The following MRTFB variants were observed in gnomAD, a reference collection of about 807,000 sequenced individuals.
MRTFB encodes myocardin related transcription factor B.
In MRTFB, 29 loss-of-function variants were observed where a neutral mutation model predicts 104.2. The ratio of observed to expected loss-of-function variants is 0.28; its 90% CI spans 0.21 to 0.38. The LOEUF (loss-of-function observed/expected upper bound fraction) is 0.38, where lower values mean the gene tolerates loss of function less well. Ranked by LOEUF, MRTFB falls within the 10% of genes least tolerant of loss-of-function variation. The pLI is 1.00. For missense variants in MRTFB, 1,270 were observed against 1,341.6 expected, an observed-to-expected ratio of 0.95 and a Z score of 0.83; for synonymous variants, 535 against 519.5, an observed-to-expected ratio of 1.03 and a Z score of -0.41.
chr16:14,119,684 G>T (rs934556406), intron 2 of MRTFB, among the ~76,000 whole-genome samples: 1 of 152,010 alleles, frequency 6.6e-6, no homozygotes, highest in African/African-American at 2.4e-5. Flanking sequence ...AAAAAATCTG[G>T]TCTGTTTTAA....
the MRTFB span, among the ~76,000 whole-genome samples, chr16:14,029,445 T>TATACAC: frequency 2.0e-3 from 170 of 85,938 alleles, 1 homozygote; most frequent in Admixed American, 5.5e-3. Context: ...TATATATATA[T>TATACAC]ACACACACAC....
intron 3 of MRTFB, among the ~76,000 whole-genome samples, chr16:14,209,671 T>C (rs541405679): frequency 6.6e-6 from 1 of 152,330 alleles, no homozygotes; most frequent in Non-Finnish European, 1.5e-5. Context: ...TTTGTGACTT[T>C]CTTAGAACTT....
At chr16:14,068,487 G>A (rs867754429), upstream of MRTFB, among the ~76,000 whole-genome samples, 5 of 152,256 alleles carry the variant, frequency 3.3e-5, no homozygotes, top group African/African-American at 9.6e-5. Flanking sequence ...GGTCACGAAA[G>A]GCAAAGTTTG....
chr16:14,084,825 G>A (rs963841681), intron 2 of MRTFB, among the ~76,000 whole-genome samples: 7 of 152,124 alleles, frequency 4.6e-5, no homozygotes, highest in African/African-American at 1.7e-4. Flanking sequence ...ATTTACTTGA[G>A]GAAGGTTTCA....
rs369073142 is a variant in MRTFB at position 14,216,838 on chromosome 16, C to T, written c.353-288C>T. Reference sequence around the variant, plus strand: ...AATACCTAGTAAATGTGAATTTGACCCTCCTGCCATAAACAAACAATAGCA... The same window carrying T: ...AATACCTAGTAAATGTGAATTTGACTCTCCTGCCATAAACAAACAATAGCA... On this transcript the variant is annotated intron_variant, in intron 6 of 16. Transcript: ENST00000571589. Among the ~76,000 whole-genome samples, 311 of 152,266 alleles carry T rather than the reference C, an allele frequency of 2.0e-3. 1 individual carries two copies. The highest frequency in any genetic ancestry group is 7.1e-3 in the African/African-American group (293 of 41,558).
intron 3 of MRTFB, chr16:14,152,107 G>T (rs1469732279): frequency 1.3e-5 from 2 of 152,224 alleles, no homozygotes; most frequent in African/African-American, 4.8e-5. Context: ...GTATTTTGAA[G>T]TAATAAAACA....
rs1251888302 is a variant in MRTFB, at chr16:14,157,751, GCTACAGATACTGATACTGATA to G, written c.154+17001_154+17021del. 6.6e-5 allele frequency among the ~76,000 whole-genome samples: 10 copies of G among 152,178 alleles called. No homozygotes were observed. The East Asian group carries it at 1.9e-3, about 29-fold the overall frequency. ...CATTTGGTCCAAGTGACCTGCTGATGCTACAGATACTGATACTGATACTACAGATAGAAGCCAAATAAATGA... is the reference window on the plus strand; with the variant it reads ...CATTTGGTCCAAGTGACCTGCTGATGCTACAGATAGAAGCCAAATAAATGA... On this transcript the variant is annotated intron_variant, in intron 3 of 16. Coordinates refer to ENST00000571589, the MANE Select transcript of MRTFB (RefSeq NM_001308142.2).
chr16:14,017,179 C>A, the MRTFB span, among the ~76,000 whole-genome samples: 1 of 151,576 alleles, frequency 6.6e-6, no homozygotes, highest in South Asian at 2.1e-4. Flanking sequence ...GCGTCAGCCT[C>A]CCAAGTAGCT....
intron 16 of MRTFB, among the ~76,000 whole-genome samples, chr16:14,258,369 T>C (rs569989565): frequency 2.6e-5 from 4 of 152,292 alleles, no homozygotes; most frequent in Non-Finnish European, 5.9e-5. Context: ...TCCCAGCACT[T>C]TGGGAGTCTG....
At chr16:14,018,663 C>T in the MRTFB span, among the ~76,000 whole-genome samples, 4 of 152,138 alleles carry the variant, frequency 2.6e-5, no homozygotes, top group East Asian at 3.8e-4. Context: ...GAAAATTCTC[C>T]GGTTCACCAC....
At chr16:14,034,949 C>T in the MRTFB span, among the ~76,000 whole-genome samples, 6 of 152,182 alleles carry the variant, frequency 3.9e-5, no homozygotes, top group African/African-American at 4.8e-5. Context: ...ATCTCCTCTA[C>T]GCTTTCTCTG....
In MRTFB at chr16:14,097,314, A is replaced by G. The variant is rs574175074; in HGVS notation, c.-64+17960A>G. On this transcript the variant is annotated intron_variant, in intron 2 of 16. Coordinates refer to ENST00000571589, the MANE Select transcript of MRTFB (RefSeq NM_001308142.2). ...ACCAAGCATTCAGTTCTGGTAGTTT[A>G]GCTAAACATTCAGGTTTCATTTGAA... is the stretch of plus-strand genomic sequence containing the variant. 2.6e-5 allele frequency among the ~76,000 whole-genome samples: 4 copies of G among 152,372 alleles called. No homozygotes were observed. The East Asian group carries it at 7.7e-4, about 29-fold the overall frequency.
chr16:14,156,820 G>A (rs1011524308), intron 3 of MRTFB, among the ~76,000 whole-genome samples: 17 of 152,142 alleles, frequency 1.1e-4, no homozygotes, highest in African/African-American at 4.1e-4. Context: ...ACTAAAGACT[G>A]TATTTTCCTT....
intron 3 of MRTFB, among the ~76,000 whole-genome samples, chr16:14,164,525 G>A (rs779835534): frequency 6.6e-6 from 1 of 152,044 alleles, no homozygotes; most frequent in Non-Finnish European, 1.5e-5. Context: ...ACTTAATTTG[G>A]ATCCATATCT....
At chr16:14,230,624 C>G (rs1186515123) in intron 8 of MRTFB, among the ~76,000 whole-genome samples, 1 of 152,086 alleles carries the variant, frequency 6.6e-6, no homozygotes, top group Non-Finnish European at 1.5e-5. Flanking sequence ...ATTAAAAAGT[C>G]AGGAAACAAC....
chr16:14,030,911 T>C, the MRTFB span, among the ~76,000 whole-genome samples: 3 of 152,152 alleles, frequency 2.0e-5, no homozygotes, highest in African/African-American at 7.2e-5. Context: ...GGAGACTCCC[T>C]AGAAGTGATT....
intron 2 of MRTFB, among the ~76,000 whole-genome samples, chr16:14,130,987 A>C (rs573133777): frequency 1.6e-4 from 25 of 152,262 alleles, no homozygotes; most frequent in African/African-American, 6.0e-4. Flanking sequence ...CCCATGACAC[A>C]TGGGGATTAT....
At chr16:14,072,872 C>G (rs1239990271) in intron 1 of MRTFB, among the ~76,000 whole-genome samples, 1 of 152,162 alleles carries the variant, frequency 6.6e-6, no homozygotes, top group Non-Finnish European at 1.5e-5. Context: ...TATTTTTAAA[C>G]TATATTGTAG....
intron 3 of MRTFB, chr16:14,200,853 C>G: frequency 6.9e-7 from 1 of 1,459,014 alleles, no homozygotes; most frequent in Non-Finnish European, 9.6e-7. Flanking sequence ...TACAAGGTGC[C>G]AACCTGTATG....
Sources: gnomAD v4.1 joint callset for allele counts (sites outside exome capture counted in the v4.1 genomes callset) on GRCh38, gnomAD v4.1.1 for gene constraint, MANE v1.5 for transcripts, NCBI Gene and HGNC (gene_info 2026-07-23, HGNC 2026-07-21) for gene names.